HNRNPL: variants seen among roughly 807,000 people sequenced by gnomAD.
The protein encoded by HNRNPL is heterogeneous nuclear ribonucleoprotein L.
A neutral mutation model predicts 64.0 loss-of-function variants in HNRNPL; 12 were observed. The ratio of observed to expected loss-of-function variants is 0.19; its 90% confidence interval spans 0.12 to 0.30. HNRNPL has a LOEUF of 0.30. Ranked by LOEUF, HNRNPL falls within the 10% of genes least tolerant of loss-of-function variation. The pLI is 1.00. For missense variants in HNRNPL, 484 were observed against 797.4 expected (o/e 0.61, Z 4.73); for synonymous variants, 385 against 313.0 (o/e 1.23, Z -2.43).
In HNRNPL at chr19:38,845,745, C is replaced by G. The variant is rs1972271089; in HGVS notation, c.625-10G>C. 1 of 1,612,300 alleles carries G rather than the reference C, an allele frequency of 6.2e-7. No homozygotes were observed. Among genetic ancestry groups the G allele is most frequent in the South Asian group, 1.1e-5 (1 of 91,042 alleles). On this transcript the variant is annotated splice_polypyrimidine_tract_variant and intron_variant, in intron 3 of 12. Coordinates refer to ENST00000221419, the MANE Select transcript of HNRNPL (RefSeq NM_001533.3). ...TAGTGTAAAGAACATCCTGCAAAAG[C>G]AAACACAGGCAAGATGAAGGGGCAC...
chr19:38,837,607 T>A lies in HNRNPL; in HGVS notation c.1602A>T (p.Val534=). Residue 534 remains valine (V), a synonymous_variant, in exon 11 of 13, where the codon GTA becomes GTT. Coordinates refer to ENST00000221419, the MANE Select transcript of HNRNPL (RefSeq NM_001533.3). ...CACTCGACTCACTTTTGCCTGAGAA[T>A]ACTTTCACAGAAGATGGCCGCTTCA... ...LGVKRPSSVK[V]FSGKSERSSS... 2 of 1,614,232 alleles carry A rather than the reference T, an allele frequency of 1.2e-6. No homozygotes were observed. The highest frequency in any genetic ancestry group is 1.7e-6 in the Non-Finnish European group (2 of 1,180,036).
intron 8 of HNRNPL, 48 bp from the exon 9 acceptor site, chr19:38,839,063 C>A (rs748179974): frequency 6.2e-7 from 1 of 1,607,200 alleles, no homozygotes; most frequent in East Asian, 2.2e-5. Context: ...CTGCCAGGGT[C>A]CCCTCTCCTG....
chr19:38,838,346 C>A, intron 10 of HNRNPL, 51 bp downstream of exon 10: 1 of 1,481,862 alleles, frequency 6.7e-7, no homozygotes, highest in Non-Finnish European at 9.3e-7. Context: ...ATGGCCTACT[C>A]AGACGGCCGT....
intron 8 of HNRNPL, chr19:38,839,745 A>G (rs890664196): frequency 4.9e-5 from 12 of 244,328 alleles, no homozygotes; most frequent in Non-Finnish European, 8.0e-5. Flanking sequence ...GGAAGGCAGA[A>G]GGCCCGGTGT....
intron 6 of HNRNPL, chr19:38,841,552 A>G (rs1436011629): frequency 1.4e-6 from 1 of 720,528 alleles, no homozygotes; most frequent in Non-Finnish European, 2.1e-6. Context: ...GACTACTTAC[A>G]GCAGAAGTAC....
intron 8 of HNRNPL, 21 bp downstream of exon 8, chr19:38,840,075 G>T: frequency 6.2e-7 from 1 of 1,611,736 alleles, no homozygotes. Flanking sequence ...GAGGAACCCA[G>T]GGGGCCCGGC....
chr19:38,846,477 G>A (rs1440334490), intron 2 of HNRNPL, among the ~76,000 whole-genome samples: 2 of 152,202 alleles, frequency 1.3e-5, no homozygotes, highest in African/African-American at 4.8e-5. Flanking sequence ...CTTGCTGAAT[G>A]AAAGAACACT....
upstream of HNRNPL, among the ~76,000 whole-genome samples, chr19:38,850,564 G>A (rs2145444906): frequency 6.6e-6 from 1 of 152,326 alleles, no homozygotes; most frequent in East Asian, 1.9e-4. Context: ...CAGGGTAGGC[G>A]CTCTTTGGTG....
At chr19:38,846,865 C>T (rs968540145) in intron 2 of HNRNPL, among the ~76,000 whole-genome samples, 7 of 152,116 alleles carry the variant, frequency 4.6e-5, no homozygotes, top group Non-Finnish European at 1.0e-4. Context: ...CTGAGATTGT[C>T]ACTGCACTCC....
intron 1 of HNRNPL, among the ~76,000 whole-genome samples, chr19:38,849,028 A>G (rs1972403103): frequency 6.6e-6 from 1 of 152,210 alleles, no homozygotes; most frequent in African/African-American, 2.4e-5. Flanking sequence ...CAACATGGCC[A>G]GGAAATAGTT....
intron 9 of HNRNPL, 82 bp from the exon 10 acceptor site, chr19:38,838,680 C>T (rs960796167): frequency 3.5e-6 from 5 of 1,444,962 alleles, no homozygotes; most frequent in Non-Finnish European, 4.8e-6. Context: ...AGAGGCTTAG[C>T]TTGCCCTGTG....
chr19:38,849,676 C>T, intron 1 of HNRNPL, 24 bp downstream of exon 1: 1 of 1,309,494 alleles, frequency 7.6e-7, no homozygotes, highest in Non-Finnish European at 9.7e-7. Flanking sequence ...CCGGCCTTCC[C>T]AGCGCCTAGG....
In HNRNPL at chr19:38,849,885, G is replaced by C; in HGVS notation, c.82C>G (p.Arg28Gly). 1 of 1,228,680 alleles carries C rather than the reference G, an allele frequency of 8.1e-7. No individual in the cohort carries two copies. Among genetic ancestry groups the C allele is most frequent in the Non-Finnish European group, 1.1e-6 (1 of 869,814 alleles). The allele number at this position is 1,228,680 out of a possible 1,614,324, so 76.1% of individuals were successfully genotyped here. A position where few individuals can be genotyped will look rare whatever the true frequency, so the allele number is the denominator to read the frequency against. Residue 28 changes from arginine to glycine, a missense_variant, in exon 1 of 13, where the codon CGG (arginine) becomes GGG (glycine). Around this residue, in one of 9 missense-constraint regions of HNRNPL, gnomAD observed 190 missense variants for 160.1 expected, o/e 1.19. Coordinates refer to ENST00000221419, the MANE Select transcript of HNRNPL (RefSeq NM_001533.3). ...QRQQPDEQRR[R>G]SGAMVKMAAA... is the part of the protein sequence containing the mutation. ...GCCATCTTCACCATCGCTCCCGACC[G>C]CCTCCGCTGCTCGTCCGGCTGCTGC...
At chr19:38,844,274 G>T (rs1344187706) in intron 4 of HNRNPL, among the ~76,000 whole-genome samples, 170 bp from the exon 5 acceptor site, 2 of 152,296 alleles carry the variant, frequency 1.3e-5, no homozygotes, top group Admixed American at 1.3e-4. Flanking sequence ...CCAAAACGGT[G>T]TTGATGGACT....
At chr19:38,847,256 A>G in intron 2 of HNRNPL, 60 bp downstream of exon 2, 2 of 765,294 alleles carry the variant, frequency 2.6e-6, no homozygotes, top group South Asian at 5.9e-5. Flanking sequence ...AATCGTGGAC[A>G]CACAAGGACA....
chr19:38,843,488 G>C, intron 6 of HNRNPL: 2 of 284,140 alleles, frequency 7.0e-6, no homozygotes, highest in Non-Finnish European at 1.3e-5. Context: ...GACAATTCCT[G>C]GTCCAGCAAG....
At chr19:38,849,619 C>G in intron 1 of HNRNPL, 81 bp downstream of exon 1, 1 of 1,292,326 alleles carries the variant, frequency 7.7e-7, no homozygotes, top group East Asian at 3.0e-5. Flanking sequence ...CAGAGGCCCC[C>G]CTCAAAAAAT....
intron 6 of HNRNPL, chr19:38,841,926 C>T: frequency 5.6e-6 from 2 of 355,062 alleles, no homozygotes; most frequent in East Asian, 7.4e-5. Context: ...GGCTGTGTAG[C>T]GCTCCGTGTG....
chr19:38,849,409 C>T, intron 1 of HNRNPL: 1 of 362,836 alleles, frequency 2.8e-6, no homozygotes, highest in Non-Finnish European at 4.9e-6. Context: ...GGCCGGGCCG[C>T]GTGCCCGGCC....
Sources: allele counts gnomAD v4.1 joint callset (sites outside exome capture counted in the v4.1 genomes callset), GRCh38; gene constraint gnomAD v4.1.1; regional missense constraint gnomAD v4.1.1; transcripts MANE v1.5; gene names NCBI Gene and HGNC (gene_info 2026-07-23, HGNC 2026-07-21).